Variants in PFKFB1 observed in about 807,000 individuals in gnomAD.
The protein encoded by PFKFB1 is 6-phosphofructo-2-kinase/fructose-2,6-bisphosphatase 1.
In PFKFB1, 34 loss-of-function variants were observed where a neutral mutation model predicts 46.4. That is an observed-to-expected ratio of 0.73 (90% CI 0.56 to 0.98). PFKFB1 has a LOEUF of 0.98. Among genes scored for constraint, PFKFB1 ranks in the 50% least tolerant of loss-of-function variants. The probability of loss-of-function intolerance (pLI) is 0.00; values close to 1 mark genes in which losing one functional copy is unlikely to be tolerated. For missense variants in PFKFB1, 393 were observed against 376.3 expected (o/e 1.04, Z -0.37); for synonymous variants, 119 against 133.8 (o/e 0.89, Z 0.76).
intron 1 of PFKFB1, among the ~76,000 whole-genome samples, chrX:54,990,515 T>C (rs1314049712): frequency 9.0e-6 from 1 of 111,522 alleles, no homozygotes. Context: ...TCAGTTAAAA[T>C]GTTAAAGGAG....
rs1441618842 is a variant in PFKFB1 at position 54,961,549 on chromosome X, T to G, written c.224-632A>C. Among the ~76,000 whole-genome samples, 6 of 111,993 alleles carry G rather than the reference T, an allele frequency of 5.4e-5. No individual in the cohort carries two copies. The East Asian group carries it at 1.7e-3, about 32-fold the overall frequency. On this transcript the variant is annotated intron_variant, in intron 2 of 13. Transcript: ENST00000375006. ...AGAGTTAATATTTCATTCACTCATC[T>G]AACAAATACTTTTTGACTCCTACTC...
At chrX:54,953,770 A>G (rs1343451350) in intron 7 of PFKFB1, among the ~76,000 whole-genome samples, 2 of 111,819 alleles carry the variant, frequency 1.8e-5, no homozygotes, top group Non-Finnish European at 3.8e-5. Context: ...AGTTGGCCTC[A>G]CTTTATGGTC....
intron 1 of PFKFB1, among the ~76,000 whole-genome samples, chrX:54,981,908 CAG>C (rs996154657): frequency 1.8e-5 from 2 of 111,182 alleles, no homozygotes; most frequent in Admixed American, 1.9e-4. Flanking sequence ...CAGGCACTTT[CAG>C]AGAGAGAGAA....
At chrX:54,973,933 T>C (rs1270680240) in intron 1 of PFKFB1, among the ~76,000 whole-genome samples, 2 of 111,454 alleles carry the variant, frequency 1.8e-5, no homozygotes, top group African/African-American at 6.5e-5. Flanking sequence ...GTATAAAAGA[T>C]CTGTATGCTG....
chrX:54,950,380 C>A (rs1290750984), intron 8 of PFKFB1, among the ~76,000 whole-genome samples: 2 of 111,772 alleles, frequency 1.8e-5, no homozygotes, highest in East Asian at 2.8e-4. Context: ...TCTCATCTGG[C>A]CTGCTGTCTG....
upstream of PFKFB1, chrX:54,998,405 C>T (rs1426138360): frequency 8.7e-7 from 1 of 1,149,919 alleles, no homozygotes; most frequent in South Asian, 1.9e-5. Flanking sequence ...TTCTCACCTA[C>T]CTTTTATTCT....
intron 10 of PFKFB1, among the ~76,000 whole-genome samples, chrX:54,940,755 T>C (rs1041676561): frequency 3.6e-5 from 4 of 111,498 alleles, no homozygotes; most frequent in African/African-American, 1.3e-4. Flanking sequence ...TACAAACAAA[T>C]GGAAGAACAT....
intron 1 of PFKFB1, among the ~76,000 whole-genome samples, chrX:54,971,598 C>G (rs1477391482): frequency 2.7e-5 from 3 of 112,037 alleles, no homozygotes; most frequent in Non-Finnish European, 5.6e-5. Flanking sequence ...ATAGGGAATC[C>G]TTTCCCCATT....
chrX:54,975,316 T>C (rs146741236), intron 1 of PFKFB1, among the ~76,000 whole-genome samples: 200 of 111,327 alleles, frequency 1.8e-3, no homozygotes, highest in Middle Eastern at 9.2e-3. Flanking sequence ...CAGAATGAAA[T>C]AATGGCCTTT....
At chrX:54,981,840 G>A (rs964759652) in intron 1 of PFKFB1, among the ~76,000 whole-genome samples, 1 of 111,116 alleles carries the variant, frequency 9.0e-6, no homozygotes, top group Non-Finnish European at 1.9e-5. Context: ...TGACTTTTCT[G>A]GGACCCATTA....
intron 9 of PFKFB1, among the ~76,000 whole-genome samples, chrX:54,945,899 T>A (rs759463935): frequency 9.0e-6 from 1 of 111,241 alleles, no homozygotes; most frequent in Non-Finnish European, 1.9e-5. Context: ...CATAAGGATT[T>A]GTGGCTGTGT....
chrX:54,938,336 T>C (rs1327242048), intron 10 of PFKFB1, among the ~76,000 whole-genome samples: 2 of 112,235 alleles, frequency 1.8e-5, no homozygotes, highest in African/African-American at 3.2e-5. Context: ...TGTCTGTCTC[T>C]CCTTGGCTCT....
intron 1 of PFKFB1, among the ~76,000 whole-genome samples, chrX:54,989,567 A>G (rs1861123577): frequency 8.9e-6 from 1 of 112,130 alleles, no homozygotes; most frequent in Non-Finnish European, 1.9e-5. Flanking sequence ...CAGATTAACA[A>G]ACACAACTTA....
Position 54,941,264 on chromosome X carries a change from C to T in PFKFB1, c.1099-3540G>A, listed in dbSNP as rs746599837. Among the ~76,000 whole-genome samples the T allele has an allele frequency of 2.9e-4, 32 of 111,850 alleles. No individual in the cohort carries two copies. The East Asian group carries it at 6.4e-3, about 22-fold the overall frequency. On this transcript the variant is annotated intron_variant, in intron 10 of 13. Coordinates refer to ENST00000375006, the MANE Select transcript of PFKFB1 (RefSeq NM_002625.4). ...ATTCAAGATGGATGAAAGACTTAAA[C>T]GTTAGACCTAAAACCATAAAAACCC...
At chrX:54,994,234 G>A (rs1307735683), upstream of PFKFB1, 1 of 751,525 alleles carries the variant, frequency 1.3e-6, no homozygotes. Context: ...GGGGTATTGG[G>A]TGCAGAGGGC....
intron 10 of PFKFB1, among the ~76,000 whole-genome samples, chrX:54,938,182 G>A (rs1933473696): frequency 8.9e-6 from 1 of 112,062 alleles, no homozygotes; most frequent in South Asian, 3.7e-4. Flanking sequence ...GGAAGTAGAA[G>A]ACAAGGCCTT....
Position 54,957,214 on chromosome X carries a change from A to G in PFKFB1, c.517-940T>C, listed in dbSNP as rs768099970. The stretch of plus-strand genomic sequence containing the variant: ...GATGCCATACTTAGTATATGCTTAT[A>G]TCCTTATTTTCCATTCTTCACCCAC... On this transcript the variant is annotated intron_variant, in intron 6 of 13. Transcript: ENST00000375006. Among the ~76,000 whole-genome samples, 3 of 111,568 alleles carry G rather than the reference A, an allele frequency of 2.7e-5. No individual in the cohort carries two copies. In the South Asian group the frequency reaches 1.1e-3, roughly 42 times the overall value.
intron 9 of PFKFB1, among the ~76,000 whole-genome samples, chrX:54,946,779 G>C (rs755954172): frequency 4.5e-5 from 5 of 112,294 alleles, no homozygotes; most frequent in Middle Eastern, 4.6e-3. Context: ...TGGAGAATTA[G>C]AACTACTTCA....
chrX:54,971,665 T>C (rs1305968284), intron 1 of PFKFB1, among the ~76,000 whole-genome samples: 1 of 111,884 alleles, frequency 8.9e-6, no homozygotes, highest in African/African-American at 3.3e-5. Context: ...CGGCATTATT[T>C]CTGAGGGCTC....
Sources: allele counts gnomAD v4.1 joint callset (sites outside exome capture counted in the v4.1 genomes callset), GRCh38; gene constraint gnomAD v4.1.1; transcripts MANE v1.5; gene names NCBI Gene and HGNC (gene_info 2026-07-23, HGNC 2026-07-21).